TANC2: variants seen among roughly 807,000 people sequenced by gnomAD.
TANC2 encodes the protein protein TANC2.
A neutral mutation model predicts 210.5 loss-of-function variants in TANC2; 26 were observed. That is an observed-to-expected ratio of 0.12 (90% confidence interval 0.09 to 0.17). The LOEUF is 0.17. Ranked by LOEUF, TANC2 falls within the 10% of genes least tolerant of loss-of-function variation. The pLI is 1.00. For synonymous variants in TANC2, 931 were observed against 967.1 expected (o/e 0.96, Z 0.69); for missense variants, 2,129 against 2,608.9 (o/e 0.82, Z 4.01).
At chr17:63,059,423 C>G (rs1011670438) in intron 2 of TANC2, among the ~76,000 whole-genome samples, 11 of 152,140 alleles carry the variant, frequency 7.2e-5, no homozygotes, top group Admixed American at 5.2e-4. Context: ...TGTTTTTACT[C>G]TCTTTTGATG....
chr17:63,141,030 G>T (rs1200488778), intron 4 of TANC2, among the ~76,000 whole-genome samples: 1 of 151,868 alleles, frequency 6.6e-6, no homozygotes, highest in East Asian at 2.0e-4. Context: ...GATTACAGGC[G>T]CAAGCCACCA....
chr17:63,302,400 T>C (rs887727162), intron 9 of TANC2, among the ~76,000 whole-genome samples: 44 of 152,212 alleles, frequency 2.9e-4, no homozygotes, highest in African/African-American at 8.9e-4. Flanking sequence ...CCACTATTAT[T>C]GTGTGGGAAT....
intron 2 of TANC2, among the ~76,000 whole-genome samples, chr17:63,041,684 GTC>G (rs371015319): frequency 2.0e-5 from 3 of 152,102 alleles, no homozygotes; most frequent in Non-Finnish European, 2.9e-5. Context: ...AACTAGAAGA[GTC>G]TCTCTAAAAA....
chr17:63,082,551 TAAG>T (rs2036816592), intron 3 of TANC2, among the ~76,000 whole-genome samples: 2 of 152,182 alleles, frequency 1.3e-5, no homozygotes, highest in African/African-American at 4.8e-5. Flanking sequence ...GTTGATTTAT[TAAG>T]AAGGAAGGGG....
chr17:63,291,650 A>T (rs2044387152), intron 9 of TANC2, among the ~76,000 whole-genome samples: 1 of 152,214 alleles, frequency 6.6e-6, no homozygotes, highest in Admixed American at 6.5e-5. Flanking sequence ...AATAAAAGCA[A>T]AACATCTTGA....
intron 4 of TANC2, chr17:63,148,678 A>G (rs930916662): frequency 6.6e-6 from 1 of 152,056 alleles, no homozygotes; most frequent in African/African-American, 2.4e-5. Flanking sequence ...GTTCCTACCC[A>G]TCTCATCTCA....
chr17:63,291,156 G>A (rs543513097), intron 9 of TANC2, among the ~76,000 whole-genome samples: 1 of 152,314 alleles, frequency 6.6e-6, no homozygotes, highest in East Asian at 1.9e-4. Flanking sequence ...CATGCACAGA[G>A]CTTGGAAAAT....
intron 6 of TANC2, 132 bp downstream of exon 6, chr17:63,194,271 C>A: frequency 2.0e-6 from 2 of 1,009,154 alleles, no homozygotes; most frequent in Non-Finnish European, 2.7e-6. Flanking sequence ...ATTATTTCTT[C>A]AGTTTATGAA....
intron 7 of TANC2, among the ~76,000 whole-genome samples, chr17:63,231,603 T>A (rs985766168): frequency 6.6e-6 from 1 of 152,216 alleles, no homozygotes; most frequent in Non-Finnish European, 1.5e-5. Context: ...CTCTTTTGGT[T>A]TGTAGGATTT....
chr17:63,124,285 A>G (rs1045307527), intron 4 of TANC2, among the ~76,000 whole-genome samples: 2 of 152,140 alleles, frequency 1.3e-5, no homozygotes, highest in African/African-American at 4.8e-5. Flanking sequence ...CTAAGGGACC[A>G]AAAGAGAAAA....
chr17:63,274,236 A>G (rs2043804601), intron 9 of TANC2, among the ~76,000 whole-genome samples: 1 of 151,698 alleles, frequency 6.6e-6, no homozygotes. Flanking sequence ...ACTCTTCAAG[A>G]CAGCTGTTTT....
chr17:63,219,213 T>C (rs1187391978), intron 7 of TANC2, among the ~76,000 whole-genome samples: 1 of 152,192 alleles, frequency 6.6e-6, no homozygotes, highest in Non-Finnish European at 1.5e-5. Flanking sequence ...TGGTAAACCA[T>C]GGCAGGCAGG....
chr17:63,046,960 A>C (rs2035407226), intron 2 of TANC2, among the ~76,000 whole-genome samples: 1 of 152,168 alleles, frequency 6.6e-6, no homozygotes, highest in African/African-American at 2.4e-5. Flanking sequence ...TTGGAAGTGA[A>C]ATGGAGAGGG....
intron 5 of TANC2, among the ~76,000 whole-genome samples, chr17:63,183,325 G>C (rs186510565): frequency 6.6e-6 from 1 of 152,294 alleles, no homozygotes; most frequent in Non-Finnish European, 1.5e-5. Context: ...AACATTGCCA[G>C]CATGGCAGCA....
intron 13 of TANC2, 141 bp downstream of exon 13, chr17:63,351,557 T>G: frequency 1.5e-6 from 1 of 645,696 alleles, no homozygotes; most frequent in Non-Finnish European, 2.3e-6. Flanking sequence ...ATTAATCTAA[T>G]ATTTTGAGAG....
At chr17:63,147,351 C>CA (rs953050541) in intron 4 of TANC2, among the ~76,000 whole-genome samples, 35 of 148,922 alleles carry the variant, frequency 2.4e-4, no homozygotes, top group African/African-American at 6.9e-4. Context: ...CCCTGTCTCA[C>CA]AAAAAAAAAG....
chr17:63,170,434 T>TAA (rs761783557), intron 5 of TANC2, among the ~76,000 whole-genome samples: 29 of 133,196 alleles, frequency 2.2e-4, no homozygotes, highest in African/African-American at 6.9e-4. Context: ...AGATTCCATT[T>TAA]AAAAAAAAAA....
intron 9 of TANC2, among the ~76,000 whole-genome samples, chr17:63,298,691 AT>A (rs1361718064): frequency 5.9e-5 from 9 of 152,158 alleles, no homozygotes; most frequent in African/African-American, 2.2e-4. Flanking sequence ...TTTCACCTTG[AT>A]TTTAAAAAAC....
intron 2 of TANC2, among the ~76,000 whole-genome samples, chr17:63,021,526 C>G (rs2034348092): frequency 6.6e-6 from 1 of 152,220 alleles, no homozygotes; most frequent in South Asian, 2.1e-4. Flanking sequence ...ACGAGGCCCT[C>G]AACAGATGGG....
Sources: allele counts gnomAD v4.1 joint callset (sites outside exome capture counted in the v4.1 genomes callset), GRCh38; gene constraint gnomAD v4.1.1; transcripts MANE v1.5; gene names NCBI Gene and HGNC (gene_info 2026-07-23, HGNC 2026-07-21).